Variants in PCDHGA1 observed in about 807,000 individuals in gnomAD.
PCDHGA1 encodes protocadherin gamma subfamily A, 1.
A neutral mutation model predicts 58.0 loss-of-function variants in PCDHGA1; 32 were observed. That is an observed-to-expected ratio of 0.55 (90% confidence interval 0.42 to 0.74). The LOEUF is 0.74. PCDHGA1 is among the 30% of genes least tolerant of loss of function. The pLI, the probability that PCDHGA1 is intolerant of heterozygous loss-of-function variation, is 0.00. For missense variants in PCDHGA1, 1,205 were observed against 1,182.3 expected, an observed-to-expected ratio of 1.02 and a Z score of -0.28; for synonymous variants, 498 against 501.1, an observed-to-expected ratio of 0.99 and a Z score of 0.08.
chr5:141,389,379 C>G, intron 1 of PCDHGA1: 1 of 1,613,770 alleles, frequency 6.2e-7, no homozygotes, highest in Non-Finnish European at 8.5e-7. Context: ...GCAGCGGGAG[C>G]TGTCATCCTA....
At chr5:141,494,736 T>C in intron 1 of PCDHGA1, 71 bp from the exon 2 acceptor site, 1 of 1,611,858 alleles carries the variant, frequency 6.2e-7, no homozygotes, top group Non-Finnish European at 8.5e-7. Context: ...TCCCGGCCCA[T>C]CCCTAGGGGC....
At chr5:141,385,015 G>C in intron 1 of PCDHGA1, 2 of 1,614,018 alleles carry the variant, frequency 1.2e-6, no homozygotes, top group South Asian at 2.2e-5. Context: ...CGTCTTCCTA[G>C]CCTTCGTCCT....
intron 1 of PCDHGA1, chr5:141,393,869 G>A: frequency 1.2e-6 from 2 of 1,613,982 alleles, no homozygotes; most frequent in Non-Finnish European, 1.7e-6. Context: ...TTACGTCTTT[G>A]TTTAGCCCAG....
Position 141,398,701 on chromosome 5 carries a change from C to T in PCDHGA1, c.2421+65596C>T, listed in dbSNP as rs757215015. On this transcript the variant is annotated intron_variant, in intron 1 of 3. Transcript: ENST00000517417. Reference sequence around the variant, plus strand: ...GGAGAAACAGGATGGTAGTAAATACCCGGAACTGGCACTGGAGAAAACCTT... The same window carrying T: ...GGAGAAACAGGATGGTAGTAAATACTCGGAACTGGCACTGGAGAAAACCTT... The T allele has an allele frequency of 1.2e-5, 20 of 1,613,658 alleles. No homozygotes were observed. In the Admixed American group the frequency reaches 3.3e-4, roughly 27 times the overall value.
intron 1 of PCDHGA1, chr5:141,419,344 C>T (rs2096363174): frequency 1.9e-6 from 3 of 1,613,732 alleles, no homozygotes; most frequent in Non-Finnish European, 2.5e-6. Flanking sequence ...TTGCCAGCGA[C>T]CTGGAGTCAC....
chr5:141,344,674 C>A (rs1431245581), intron 1 of PCDHGA1: 2 of 1,613,968 alleles, frequency 1.2e-6, no homozygotes, highest in Admixed American at 3.3e-5. Flanking sequence ...GTCCTGGTTG[C>A]CTCTGATGGT....
At chr5:141,382,798 A>C in intron 1 of PCDHGA1, 2 of 1,017,066 alleles carry the variant, frequency 2.0e-6, no homozygotes, top group Admixed American at 2.4e-5. Context: ...ATCCTGCTGG[A>C]TTCTGAGCTC....
chr5:141,364,437 C>T (rs1489838873), intron 1 of PCDHGA1: 16 of 1,613,832 alleles, frequency 9.9e-6, no homozygotes, highest in Middle Eastern at 3.3e-4. Context: ...TACTCGATGC[C>T]GGAGGAGCTG....
intron 1 of PCDHGA1, chr5:141,413,430 C>T (rs745782366): frequency 6.2e-7 from 1 of 1,614,078 alleles, no homozygotes; most frequent in Admixed American, 1.7e-5. Context: ...ACCCGCGCAG[C>T]GGCAGCTTGA....
intron 1 of PCDHGA1, chr5:141,408,003 C>A: frequency 3.3e-6 from 3 of 917,520 alleles, no homozygotes; most frequent in Non-Finnish European, 4.7e-6. Context: ...GCCTGGGATT[C>A]CCTGCGCAGC....
intron 1 of PCDHGA1, among the ~76,000 whole-genome samples, chr5:141,455,460 A>G (rs1175234914): frequency 1.3e-5 from 2 of 152,186 alleles, no homozygotes; most frequent in Non-Finnish European, 2.9e-5. Flanking sequence ...GATACCAGCC[A>G]GGTATATATG....
Position 141,393,932 on chromosome 5 carries a change from C to A in PCDHGA1, c.2421+60827C>A, listed in dbSNP as rs758815375. 2.7e-5 allele frequency: 44 copies of A among 1,613,798 alleles called. No individual in the cohort carries two copies. Among genetic ancestry groups the A allele is most frequent in the Non-Finnish European group, 3.6e-5 (43 of 1,179,882 alleles). On this transcript the variant is annotated intron_variant, in intron 1 of 3. Coordinates refer to ENST00000517417, the MANE Select transcript of PCDHGA1 (RefSeq NM_018912.3). Reference sequence around the variant, plus strand: ...TAATTGCCTTCTTGAGTGTGCATGACCAAGACTCTGGAAAGAATGGTCAAG... The same window carrying A: ...TAATTGCCTTCTTGAGTGTGCATGAACAAGACTCTGGAAAGAATGGTCAAG...
Position 141,390,222 on chromosome 5 carries a change from G to A in PCDHGA1, c.2421+57117G>A, listed in dbSNP as rs758225583. The A allele has an allele frequency of 1.1e-5, 18 of 1,613,904 alleles. 1 individual carries two copies. In the Middle Eastern group the frequency reaches 9.9e-4, roughly 88 times the overall value. ...GAGTTCAGGACAAGACATACTTTGC[G>A]GTGATTCATCTGGGGCCTTATTTCC... On this transcript the variant is annotated intron_variant, in intron 1 of 3. Transcript: ENST00000517417.
chr5:141,460,498 T>C (rs1028506755), intron 1 of PCDHGA1, among the ~76,000 whole-genome samples: 3 of 152,184 alleles, frequency 2.0e-5, no homozygotes, highest in African/African-American at 7.2e-5. Context: ...TGGAAAAATA[T>C]GCTGAGAAGG....
intron 2 of PCDHGA1, among the ~76,000 whole-genome samples, chr5:141,498,963 GGGAGGGAGGGAAGGAAGGAA>G (rs1472475865): frequency 5.7e-4 from 74 of 129,970 alleles, no homozygotes; most frequent in Non-Finnish European, 2.6e-4. Flanking sequence ...GAGAGAGGGA[GGGAGGGAGGGAAGGAAGGAA>G]GGAAGGAAGG....
At chr5:141,478,864 A>G in intron 1 of PCDHGA1, 1 of 1,322,156 alleles carries the variant, frequency 7.6e-7, no homozygotes, top group Non-Finnish European at 1.0e-6. Flanking sequence ...GATCTCAGCG[A>G]TCAGAGTTTA....
Position 141,491,095 on chromosome 5 carries a change from T to C in PCDHGA1, c.2422-3712T>C, listed in dbSNP as rs1366401829. On this transcript the variant is annotated intron_variant, in intron 1 of 3. Coordinates refer to ENST00000517417, the MANE Select transcript of PCDHGA1 (RefSeq NM_018912.3). The surrounding 1 kb of genome is among the most constrained non-coding windows in gnomAD (Gnocchi z 6.9). ...GCCACAGTCCACAGCCCCAGGACTG[T>C]TCCTCGTGTCTACACACACTGGTGA... The C allele has an allele frequency of 3.7e-6, 6 of 1,614,154 alleles. No homozygotes were observed. The highest frequency in any genetic ancestry group is 4.2e-6 in the Non-Finnish European group (5 of 1,180,014).
intron 1 of PCDHGA1, among the ~76,000 whole-genome samples, chr5:141,401,064 C>T (rs146303449): frequency 1.3e-5 from 2 of 152,226 alleles, no homozygotes; most frequent in East Asian, 3.9e-4. Flanking sequence ...TATATGTTGG[C>T]TGGGTGCAGT....
At chr5:141,341,612 G>A in intron 1 of PCDHGA1, 1 of 921,116 alleles carries the variant, frequency 1.1e-6, no homozygotes. Context: ...TGTAAACCAG[G>A]AGTTAATAGA....
Sources: gnomAD v4.1 joint callset for allele counts (sites outside exome capture counted in the v4.1 genomes callset) on GRCh38, gnomAD v4.1.1 for gene constraint, Gnocchi (gnomAD v3.1) non-coding constraint, MANE v1.5 for transcripts, NCBI Gene and HGNC (gene_info 2026-07-23, HGNC 2026-07-21) for gene names.